The following ITGA8 variants were observed in gnomAD, a reference collection of about 807,000 sequenced individuals.
The protein encoded by ITGA8 is integrin alpha-8.
A neutral mutation model predicts 142.3 loss-of-function variants in ITGA8; 91 were observed. That is an observed-to-expected ratio of 0.64 (90% CI 0.54 to 0.76). The LOEUF (loss-of-function observed/expected upper bound fraction) is 0.76, where lower values mean the gene tolerates loss of function less well. ITGA8 is among the 30% of genes least tolerant of loss of function. The pLI is 0.00. For synonymous variants in ITGA8, 505 were observed against 485.2 expected, an observed-to-expected ratio of 1.04 and a Z score of -0.54; for missense variants, 1,406 against 1,327.7, an observed-to-expected ratio of 1.06 and a Z score of -0.92.
rs192929604 is a variant in ITGA8, at chr10:15,666,839, G to T, written c.847+4764C>A. Among the ~76,000 whole-genome samples the T allele has an allele frequency of 1.5e-3, 222 of 152,242 alleles. 2 individuals are homozygous for T. The East Asian group carries it at 0.035, about 24-fold the overall frequency. On this transcript the variant is annotated intron_variant, in intron 8 of 29. Coordinates refer to ENST00000378076, the MANE Select transcript of ITGA8 (RefSeq NM_003638.3). ...TTACATTTATTGATTTGCATATGTTGAACCAGCCTTGCATCCGAGGGATGA... is the reference window on the plus strand; with the variant it reads ...TTACATTTATTGATTTGCATATGTTTAACCAGCCTTGCATCCGAGGGATGA...
chr10:15,514,082 A>C lies in ITGA8; in HGVS notation c.*3076T>G. 1 of 152,106 alleles carries C rather than the reference A, an allele frequency of 6.6e-6. No homozygotes were observed. The highest frequency in any genetic ancestry group is 1.5e-5 in the Non-Finnish European group (1 of 68,042). The allele number at this position is 152,106 out of a possible 1,614,324, so 9.4% of individuals were successfully genotyped here. A position where few individuals can be genotyped will look rare whatever the true frequency, so the allele number is the denominator to read the frequency against. ...ATGCAGTTTCAGGGGTGACTAGTAC[A>C]TATTATTTTTTTATTTACTGTATAA... is the stretch of plus-strand genomic sequence containing the variant. On this transcript the variant is annotated 3_prime_UTR_variant, in exon 30 of 30. Transcript: ENST00000378076.
intron 2 of ITGA8, among the ~76,000 whole-genome samples, chr10:15,689,617 C>T (rs1212660094): frequency 1.3e-5 from 2 of 152,192 alleles, no homozygotes; most frequent in African/African-American, 4.8e-5. Flanking sequence ...CTTTGTACCC[C>T]ACTCCTGTGA....
chr10:15,706,245 A>G (rs1401763895), intron 2 of ITGA8, among the ~76,000 whole-genome samples: 1 of 151,834 alleles, frequency 6.6e-6, no homozygotes, highest in African/African-American at 2.4e-5. Flanking sequence ...TGCACTCTTC[A>G]TCTGATCCAT....
intron 6 of ITGA8, among the ~76,000 whole-genome samples, chr10:15,676,294 A>T (rs564214191): frequency 7.9e-5 from 12 of 152,280 alleles, no homozygotes; most frequent in African/African-American, 2.6e-4. Flanking sequence ...CCTATGCAGC[A>T]CCTTAGCAAG....
At chr10:15,595,135 T>A (rs1832991607) in intron 21 of ITGA8, among the ~76,000 whole-genome samples, 1 of 152,230 alleles carries the variant, frequency 6.6e-6, no homozygotes, top group Admixed American at 6.5e-5. Context: ...GAAATGACTT[T>A]ACTATTTAAA....
intron 2 of ITGA8, 42 bp downstream of exon 2, chr10:15,718,724 C>T (rs748176227): frequency 5.6e-6 from 9 of 1,607,420 alleles, no homozygotes; most frequent in Non-Finnish European, 7.7e-6. Context: ...CCTGGTTCTT[C>T]CAAACCCAGG....
intron 26 of ITGA8, among the ~76,000 whole-genome samples, chr10:15,555,980 C>T (rs1833880437): frequency 7.2e-6 from 1 of 139,630 alleles, no homozygotes; most frequent in African/African-American, 2.6e-5. Flanking sequence ...TCTTATTACT[C>T]ATTTGCCCTG....
chr10:15,631,082 A>G (rs2131633879), intron 13 of ITGA8, among the ~76,000 whole-genome samples: 1 of 152,046 alleles, frequency 6.6e-6, no homozygotes, highest in East Asian at 1.9e-4. Context: ...GCTGGAGAGG[A>G]TGTGGAGAAA....
In ITGA8 at chr10:15,610,963, T is replaced by C. The variant is rs1346259213; in HGVS notation, c.1554-2673A>G. 3.3e-5 allele frequency among the ~76,000 whole-genome samples: 5 copies of C among 152,184 alleles called. No homozygotes were observed. In the East Asian group the frequency reaches 9.6e-4, roughly 29 times the overall value. Reference sequence around the variant, plus strand: ...TTATTGAGCTGGCTTTTTTCCCCCTTTTTCTAACTTAGAAATACCAATTAA... The same window carrying C: ...TTATTGAGCTGGCTTTTTTCCCCCTCTTTCTAACTTAGAAATACCAATTAA... On this transcript the variant is annotated intron_variant, in intron 15 of 29. Transcript: ENST00000378076.
At chr10:15,659,753 G>A (rs1295261722) in intron 9 of ITGA8, among the ~76,000 whole-genome samples, 3 of 152,180 alleles carry the variant, frequency 2.0e-5, no homozygotes, top group Non-Finnish European at 4.4e-5. Context: ...CTTATCAAAA[G>A]AGGAGAAGAC....
chr10:15,590,979 G>A (rs1054188781), intron 22 of ITGA8, among the ~76,000 whole-genome samples: 2 of 152,106 alleles, frequency 1.3e-5, no homozygotes, highest in Non-Finnish European at 2.9e-5. Flanking sequence ...TGTGACATGG[G>A]TTGTGGATTT....
intron 14 of ITGA8, among the ~76,000 whole-genome samples, chr10:15,615,820 CTT>C (rs9333149): frequency 6.7e-6 from 1 of 150,282 alleles, no homozygotes; most frequent in Non-Finnish European, 1.5e-5. Flanking sequence ...TGCCATAAAA[CTT>C]TTTTTTTTAA....
At chr10:15,536,415 T>G (rs548929102) in intron 27 of ITGA8, among the ~76,000 whole-genome samples, 13 of 152,280 alleles carry the variant, frequency 8.5e-5, no homozygotes, top group African/African-American at 2.9e-4. Context: ...GCGTTGTAGA[T>G]CAGAGGCATG....
intron 2 of ITGA8, among the ~76,000 whole-genome samples, chr10:15,714,031 C>G (rs563775420): frequency 1.3e-5 from 2 of 152,128 alleles, no homozygotes; most frequent in Non-Finnish European, 1.5e-5. Context: ...TGACTGGTTC[C>G]CAGCTGTATT....
intron 27 of ITGA8, among the ~76,000 whole-genome samples, chr10:15,546,547 C>G (rs1424153437): frequency 1.3e-5 from 2 of 152,130 alleles, no homozygotes; most frequent in African/African-American, 4.8e-5. Flanking sequence ...AGGGTGCTAC[C>G]AGCACCTACT....
At chr10:15,692,925 G>T (rs1021585208) in intron 2 of ITGA8, among the ~76,000 whole-genome samples, 2 of 152,080 alleles carry the variant, frequency 1.3e-5, no homozygotes, top group Non-Finnish European at 2.9e-5. Flanking sequence ...AACATTAGCT[G>T]GGCGCAGTGA....
intron 28 of ITGA8, among the ~76,000 whole-genome samples, chr10:15,527,907 T>A (rs949285634): frequency 8.3e-5 from 1 of 12,116 alleles, no homozygotes; most frequent in Non-Finnish European, 2.9e-4. Context: ...TCGGCTGGGC[T>A]TTTTTTTTTT....
intron 2 of ITGA8, among the ~76,000 whole-genome samples, chr10:15,697,886 A>C (rs2131722703): frequency 6.6e-6 from 1 of 152,298 alleles, no homozygotes; most frequent in Non-Finnish European, 1.5e-5. Context: ...GTAAAGAAAA[A>C]TGGTATTATA....
At chr10:15,529,580 G>C (rs1310287794) in intron 28 of ITGA8, among the ~76,000 whole-genome samples, 1 of 152,134 alleles carries the variant, frequency 6.6e-6, no homozygotes, top group Non-Finnish European at 1.5e-5. Flanking sequence ...CAGTGTCAGG[G>C]TCCCACCCCA....
Sources: allele counts gnomAD v4.1 joint callset (sites outside exome capture counted in the v4.1 genomes callset), GRCh38; gene constraint gnomAD v4.1.1; transcripts MANE v1.5; gene names NCBI Gene and HGNC (gene_info 2026-07-23, HGNC 2026-07-21).